The following PAM variants were observed in gnomAD, a reference collection of about 807,000 sequenced individuals.
PAM encodes peptidylglycine alpha-amidating monooxygenase, also known as peptidyl-glycine alpha-amidating monooxygenase.
Under a neutral mutation model 122.1 loss-of-function variants are expected in PAM, and 72 were observed. The ratio of observed to expected loss-of-function variants is 0.59; its 90% CI spans 0.49 to 0.72. The LOEUF is 0.72. Among genes scored for constraint, PAM ranks in the 30% least tolerant of loss-of-function variants. The pLI is 0.00. For missense variants in PAM, 1,106 were observed against 1,183.7 expected, an observed-to-expected ratio of 0.93 and a Z score of 0.96; for synonymous variants, 389 against 404.4, an observed-to-expected ratio of 0.96 and a Z score of 0.46.
intron 15 of PAM, among the ~76,000 whole-genome samples, chr5:102,983,541 T>A (rs770435792): frequency 4.6e-5 from 7 of 152,030 alleles, no homozygotes; most frequent in Admixed American, 6.6e-5. Flanking sequence ...CACTGTAAAC[T>A]GACCAAATAT....
chr5:102,929,509 T>C (rs1275487438), intron 7 of PAM, among the ~76,000 whole-genome samples: 2 of 152,234 alleles, frequency 1.3e-5, no homozygotes, highest in Non-Finnish European at 2.9e-5. Context: ...ATTGGTGATA[T>C]TTTAAAGTAT....
At chr5:102,987,753 A>G (rs1772392894) in intron 15 of PAM, among the ~76,000 whole-genome samples, 1 of 152,168 alleles carries the variant, frequency 6.6e-6, no homozygotes, top group Non-Finnish European at 1.5e-5. Context: ...AGGGTGATAG[A>G]TGATAGATAC....
At chr5:102,914,817 T>G (rs1802606190) in intron 5 of PAM, among the ~76,000 whole-genome samples, 1 of 152,106 alleles carries the variant, frequency 6.6e-6, no homozygotes, top group African/African-American at 2.4e-5. Context: ...CCACACTGCC[T>G]TCTATTTATT....
chr5:102,813,489 C>T (rs1265299068), intron 1 of PAM, among the ~76,000 whole-genome samples: 2 of 152,192 alleles, frequency 1.3e-5, no homozygotes, highest in Non-Finnish European at 2.9e-5. Flanking sequence ...ATCAGAGAAC[C>T]ATTGCAAGCT....
intron 21 of PAM, 46 bp downstream of exon 21, chr5:103,009,912 C>A: frequency 2.0e-6 from 2 of 979,638 alleles, no homozygotes; most frequent in Non-Finnish European, 3.1e-6. Context: ...GAGAAGAAGA[C>A]TAAAATATAA....
intron 1 of PAM, among the ~76,000 whole-genome samples, chr5:102,851,199 G>A (rs1781284153): frequency 1.3e-5 from 2 of 152,158 alleles, no homozygotes; most frequent in African/African-American, 4.8e-5. Flanking sequence ...CTCCTTAGGA[G>A]AAAAATTTAA....
rs192111824 is a variant in PAM at position 102,996,230 on chromosome 5, A to C, written c.1613+5829A>C. On this transcript the variant is annotated intron_variant, in intron 16 of 25. Coordinates refer to ENST00000438793, the MANE Select transcript of PAM (RefSeq NM_001177306.2). Reference sequence around the variant, plus strand: ...AATTCCAGCCCATAGGCCACAGTTCAGTCTTTTCAACTGAGTGCTTTTCCA... The same window carrying C: ...AATTCCAGCCCATAGGCCACAGTTCCGTCTTTTCAACTGAGTGCTTTTCCA... Among the ~76,000 whole-genome samples the C allele has an allele frequency of 4.1e-3, 623 of 152,344 alleles. 4 individuals carry two copies. The highest frequency in any genetic ancestry group is 0.012 in the African/African-American group (507 of 41,580).
chr5:102,949,093 G>T (rs1648440301), intron 9 of PAM, among the ~76,000 whole-genome samples: 1 of 151,948 alleles, frequency 6.6e-6, no homozygotes, highest in Non-Finnish European at 1.5e-5. Flanking sequence ...TTATTGAATA[G>T]CTACTGTGTT....
intron 1 of PAM, among the ~76,000 whole-genome samples, chr5:102,780,757 T>C (rs113087966): frequency 1.8e-4 from 3 of 16,492 alleles, no homozygotes; most frequent in African/African-American, 7.0e-4. Flanking sequence ...TTCTTTCTCT[T>C]TCTTTCTTTC....
intron 1 of PAM, among the ~76,000 whole-genome samples, chr5:102,770,572 A>G (rs557377399): frequency 1.3e-5 from 2 of 152,236 alleles, no homozygotes; most frequent in East Asian, 3.9e-4. Flanking sequence ...TTTTATCATG[A>G]AAGTACATTG....
chr5:102,908,330 A>G (rs1253369785), intron 4 of PAM, among the ~76,000 whole-genome samples: 4 of 151,766 alleles, frequency 2.6e-5, no homozygotes, highest in South Asian at 2.1e-4. Context: ...CCATTGATCT[A>G]TATCTCTGTT....
intron 19 of PAM, 99 bp downstream of exon 19, chr5:103,007,110 C>A (rs150989910): frequency 1.0e-5 from 9 of 882,900 alleles, no homozygotes; most frequent in Middle Eastern, 3.5e-4. Context: ...CTGTAATTGT[C>A]CCCTACAGGG....
At chr5:102,839,494 T>G (rs1192639202) in intron 1 of PAM, among the ~76,000 whole-genome samples, 3 of 149,928 alleles carry the variant, frequency 2.0e-5, no homozygotes, top group African/African-American at 7.4e-5. Flanking sequence ...CCAAGATCTC[T>G]TCACTGTACT....
chr5:102,864,297 C>G (rs908070415), intron 1 of PAM, among the ~76,000 whole-genome samples: 2 of 151,404 alleles, frequency 1.3e-5, no homozygotes, highest in Non-Finnish European at 2.9e-5. Context: ...TGTTTCTCTT[C>G]CTCCAGAAGG....
chr5:102,965,185 A>ACACACACACC (rs1763708310), intron 14 of PAM, among the ~76,000 whole-genome samples: 1 of 151,514 alleles, frequency 6.6e-6, no homozygotes, highest in African/African-American at 2.4e-5. Flanking sequence ...ACACACACAC[A>ACACACACACC]CACACACACA....
chr5:102,990,071 A>T (rs936402614), intron 15 of PAM: 4 of 354,010 alleles, frequency 1.1e-5, no homozygotes, highest in Non-Finnish European at 2.0e-5. Context: ...GTCCTAATGC[A>T]AGTTCCCAGT....
At chr5:103,005,532 T>C (rs1405113827) in intron 18 of PAM, among the ~76,000 whole-genome samples, 7 of 152,196 alleles carry the variant, frequency 4.6e-5, no homozygotes, top group Non-Finnish European at 1.0e-4. Context: ...TAATTTCTCA[T>C]AGTATCCTTG....
At chr5:102,789,622 CG>C (rs1761523028) in intron 1 of PAM, among the ~76,000 whole-genome samples, 1 of 151,928 alleles carries the variant, frequency 6.6e-6, no homozygotes, top group Admixed American at 6.6e-5. Context: ...GCTAGTTGCT[CG>C]GGGCTGGGAG....
intron 1 of PAM, among the ~76,000 whole-genome samples, chr5:102,846,747 T>C (rs1303605234): frequency 6.6e-6 from 1 of 152,198 alleles, no homozygotes; most frequent in Non-Finnish European, 1.5e-5. Context: ...CTATCTCTTT[T>C]CTTTCTGTGC....
Sources: gnomAD v4.1 joint callset for allele counts (sites outside exome capture counted in the v4.1 genomes callset) on GRCh38, gnomAD v4.1.1 for gene constraint, MANE v1.5 for transcripts, NCBI Gene and HGNC (gene_info 2026-07-23, HGNC 2026-07-21) for gene names.